Variants in GXYLT2 observed in about 807,000 individuals in gnomAD.
The protein encoded by GXYLT2 is glycosyltransferase 8 domain containing 4.
A neutral mutation model predicts 45.8 loss-of-function variants in GXYLT2; 53 were observed. That is an observed-to-expected ratio of 1.16 (90% confidence interval 0.93 to 1.46). The LOEUF is 1.46. GXYLT2 is among the 40% of genes most tolerant of loss of function. GXYLT2 has a pLI of 0.00. For synonymous variants in GXYLT2, 219 were observed against 214.2 expected (o/e 1.02, Z -0.19); for missense variants, 551 against 544.4 (o/e 1.01, Z -0.12).
chr3:72,902,806 A>C (rs1268168958), intron 1 of GXYLT2, among the ~76,000 whole-genome samples: 1 of 152,118 alleles, frequency 6.6e-6, no homozygotes, highest in Non-Finnish European at 1.5e-5. Context: ...CGAGGTCAGG[A>C]GTTTGAGACC....
intron 2 of GXYLT2, among the ~76,000 whole-genome samples, chr3:72,911,591 G>A (rs1391441312): frequency 6.6e-6 from 1 of 152,096 alleles, no homozygotes; most frequent in Non-Finnish European, 1.5e-5. Flanking sequence ...TGCATGGTGA[G>A]GAACAGAGGA....
chr3:72,971,946 C>A (rs1181444873), intron 6 of GXYLT2, among the ~76,000 whole-genome samples: 2 of 140,666 alleles, frequency 1.4e-5, no homozygotes, highest in African/African-American at 2.7e-5. Flanking sequence ...GACACTCCAT[C>A]TAAAAAAAAA....
At chr3:72,895,479 A>G (rs1165353269) in intron 1 of GXYLT2, among the ~76,000 whole-genome samples, 1 of 152,216 alleles carries the variant, frequency 6.6e-6, no homozygotes, top group Non-Finnish European at 1.5e-5. Context: ...AAATTCAGTA[A>G]ATATTGGCCA....
chr3:72,929,259 T>C (rs1709979318), intron 3 of GXYLT2: 1 of 1,482,950 alleles, frequency 6.7e-7, no homozygotes, highest in East Asian at 2.3e-5. Context: ...CTGATGACGT[T>C]GCAGAACCAA....
intron 1 of GXYLT2, among the ~76,000 whole-genome samples, chr3:72,899,251 G>C (rs559283126): frequency 6.6e-6 from 1 of 152,128 alleles, no homozygotes; most frequent in Non-Finnish European, 1.5e-5. Context: ...CCTCCCATGC[G>C]TTAGACCTAG....
rs199573200 is a variant in GXYLT2 at position 72,915,807 on chromosome 3, TG to T, written c.469-6394del. 4.1e-3 allele frequency among the ~76,000 whole-genome samples: 622 copies of T among 151,194 alleles called. 5 individuals are homozygous for T. Among genetic ancestry groups the T allele is most frequent in the African/African-American group, 0.014 (586 of 41,140 alleles). Reference sequence around the variant, plus strand: ...AAGATCGCGCCACTGCACTCTATCCTGGGTGACAGAGGGAGACCCTGTCTCA... The same window carrying T: ...AAGATCGCGCCACTGCACTCTATCCTGGTGACAGAGGGAGACCCTGTCTCA... On this transcript the variant is annotated intron_variant, in intron 2 of 6. Transcript: ENST00000389617.
At chr3:72,919,244 G>C (rs1267491791) in intron 2 of GXYLT2, among the ~76,000 whole-genome samples, 1 of 152,178 alleles carries the variant, frequency 6.6e-6, no homozygotes, top group African/African-American at 2.4e-5. Flanking sequence ...ATATCCTTCA[G>C]TAGGTGAATG....
chr3:72,956,713 A>G (rs939311333), intron 4 of GXYLT2, among the ~76,000 whole-genome samples: 2 of 151,892 alleles, frequency 1.3e-5, no homozygotes, highest in African/African-American at 4.8e-5. Flanking sequence ...ACAGGGGGAA[A>G]CCCCATCTCT....
In GXYLT2 at chr3:72,908,551, G is replaced by A. The variant is rs1362767301; in HGVS notation, c.460G>A (p.Asp154Asn). The change falls in exon 2 of 7, where the codon GAT (aspartate) becomes AAT (asparagine). Residue 154 changes from aspartate to asparagine, a missense_variant. Coordinates refer to ENST00000389617, the MANE Select transcript of GXYLT2 (RefSeq NM_001080393.2). The stretch of plus-strand genomic sequence containing the variant: ...TGAAGACTCTCTGAAGCCCGAGTTT[G>A]ATAAGCAGGTGAATTTGCAGAAATC... ...FTEDSLKPEFDKQLRQWPDSY... is the reference protein window; with the variant it reads ...FTEDSLKPEFNKQLRQWPDSY... 1 of 1,609,794 alleles carries A rather than the reference G, an allele frequency of 6.2e-7. No homozygotes were observed. The highest frequency in any genetic ancestry group is 1.1e-5 in the South Asian group (1 of 90,402).
chr3:72,891,025 G>A (rs554316916), intron 1 of GXYLT2, among the ~76,000 whole-genome samples: 1 of 152,284 alleles, frequency 6.6e-6, no homozygotes, highest in Non-Finnish European at 1.5e-5. Context: ...AGTTGTGAGG[G>A]AGCAGGAGGA....
intron 5 of GXYLT2, among the ~76,000 whole-genome samples, chr3:72,959,108 T>TTA (rs1710715582): frequency 2.6e-5 from 3 of 115,846 alleles, no homozygotes; most frequent in Admixed American, 2.6e-4. Flanking sequence ...ACACCCAGCT[T>TTA]TTTTTTTTTT....
intron 3 of GXYLT2, among the ~76,000 whole-genome samples, chr3:72,931,419 C>T (rs939016391): frequency 1.3e-5 from 2 of 151,714 alleles, no homozygotes; most frequent in African/African-American, 4.8e-5. Context: ...TTAGTAGAGA[C>T]GGGGTTTCAC....
At chr3:72,941,690 A>G (rs1710302557) in intron 3 of GXYLT2, among the ~76,000 whole-genome samples, 2 of 152,160 alleles carry the variant, frequency 1.3e-5, no homozygotes, top group Non-Finnish European at 2.9e-5. Flanking sequence ...CAGTCCTGAG[A>G]TCAGTGTCAA....
intron 2 of GXYLT2, among the ~76,000 whole-genome samples, chr3:72,920,418 A>G (rs1300647879): frequency 6.6e-6 from 1 of 152,156 alleles, no homozygotes; most frequent in Non-Finnish European, 1.5e-5. Flanking sequence ...TACAGGCGTC[A>G]GCCACCACTC....
intron 1 of GXYLT2, among the ~76,000 whole-genome samples, chr3:72,893,543 T>C (rs1709223935): frequency 6.6e-6 from 1 of 152,210 alleles, no homozygotes; most frequent in Admixed American, 6.5e-5. Flanking sequence ...TGCCCCCTCA[T>C]GTACACTTAA....
intron 2 of GXYLT2, among the ~76,000 whole-genome samples, chr3:72,919,985 A>T (rs1709802394): frequency 6.6e-6 from 1 of 152,340 alleles, no homozygotes; most frequent in Non-Finnish European, 1.5e-5. Flanking sequence ...TGTAACAAAT[A>T]TACCACATGA....
At chr3:72,928,877 C>G (rs1709968550) in intron 3 of GXYLT2, among the ~76,000 whole-genome samples, 1 of 152,202 alleles carries the variant, frequency 6.6e-6, no homozygotes, top group African/African-American at 2.4e-5. Flanking sequence ...GTCGGGGTTT[C>G]CTGCTTCAAC....
In GXYLT2 at chr3:72,952,664, G is replaced by A. The variant is rs150338649; in HGVS notation, c.601-2434G>A. Among the ~76,000 whole-genome samples, 6 of 152,204 alleles carry A rather than the reference G, an allele frequency of 3.9e-5. No homozygotes were observed. In the East Asian group the frequency reaches 1.2e-3, roughly 30 times the overall value. On this transcript the variant is annotated intron_variant, in intron 3 of 6. Coordinates refer to ENST00000389617, the MANE Select transcript of GXYLT2 (RefSeq NM_001080393.2). ...AGCATGGTCAGGTTGTGGTGATGGA[G>A]CCTCTTCCTGGCTTGCAAATGGCCA...
intron 6 of GXYLT2, among the ~76,000 whole-genome samples, chr3:72,974,058 C>T (rs1711046026): frequency 6.6e-6 from 1 of 152,146 alleles, no homozygotes; most frequent in African/African-American, 2.4e-5. Flanking sequence ...GATCTTTAAC[C>T]ATTCTTCTTT....
Sources: gnomAD v4.1 joint callset for allele counts (sites outside exome capture counted in the v4.1 genomes callset) on GRCh38, gnomAD v4.1.1 for gene constraint, MANE v1.5 for transcripts, NCBI Gene and HGNC (gene_info 2026-07-23, HGNC 2026-07-21) for gene names.